The following TBL3 variants were observed in gnomAD, a reference collection of about 807,000 sequenced individuals.
TBL3 encodes the protein transducin beta-like protein 3.
Under a neutral mutation model 102.7 loss-of-function variants are expected in TBL3, and 71 were observed. That is an observed-to-expected ratio of 0.69 (90% CI 0.57 to 0.84). The LOEUF (loss-of-function observed/expected upper bound fraction) is 0.84. Among genes scored for constraint, TBL3 ranks in the 40% least tolerant of loss-of-function variants. TBL3 has a pLI of 0.00. For missense variants in TBL3, 1,188 were observed against 1,098.5 expected, an observed-to-expected ratio of 1.08 and a Z score of -1.15; for synonymous variants, 578 against 477.7, an observed-to-expected ratio of 1.21 and a Z score of -2.74.
rs995428337 is a variant in TBL3, at chr16:1,977,784, G to C, written c.1942G>C (p.Glu648Gln). The change falls in exon 18 of 22, where the codon GAG becomes CAG. Residue 648 changes from glutamate to glutamine, a missense_variant. By Grantham distance (29) the Glu-to-Gln change is conservative. Transcript: ENST00000568546. Reference sequence around the variant, plus strand: ...GCAGGCAGAGGAGCAGGCCAGGCAAGAGGAGCAGGTGGTCAGGTAAGGCCA... The same window carrying C: ...GCAGGCAGAGGAGCAGGCCAGGCAACAGGAGCAGGTGGTCAGGTAAGGCCA... ...AEQAEEQARQEEQVVRQQELD... is the reference protein window; with the variant it reads ...AEQAEEQARQQEQVVRQQELD... 4.5e-6 allele frequency: 7 copies of C among 1,556,292 alleles called. No individual in the cohort carries two copies. The highest frequency in any genetic ancestry group is 3.9e-5 in the Admixed American group (2 of 51,382).
Position 1,978,753 on chromosome 16 carries a change from G to A in TBL3, c.*68G>A. 1 of 1,556,750 alleles carries A rather than the reference G, an allele frequency of 6.4e-7. No homozygotes were observed. ...CCCATAAAGGCCGCTCTCCTGGCCG[G>A]CTCTGTCTCTCTGGACTGCAGTCCA... On this transcript the variant is annotated 3_prime_UTR_variant, in exon 22 of 22. Coordinates refer to ENST00000568546, the MANE Select transcript of TBL3 (RefSeq NM_006453.3).
intron 1 of TBL3, among the ~76,000 whole-genome samples, chr16:1,973,629 G>A (rs2083376279): frequency 6.6e-6 from 1 of 152,112 alleles, no homozygotes; most frequent in African/African-American, 2.4e-5. Flanking sequence ...GGGATGGAGA[G>A]AGGAGTCAGG....
chr16:1,980,217 G>A lies in TBL3; in HGVS notation c.*1532G>A, dbSNP rs1206583988. The A allele has an allele frequency of 6.4e-7, 1 of 1,562,890 alleles. No homozygotes were observed. The highest frequency in any genetic ancestry group is 8.7e-7 in the Non-Finnish European group (1 of 1,155,786). On this transcript the variant is annotated 3_prime_UTR_variant, in exon 22 of 22. Transcript: ENST00000568546. Reference sequence around the variant, plus strand: ...CAGCCCGTACGAGTGAGAGGTAGGCGGATGGGGAGGGTGAAACTGGGGGCG... The same window carrying A: ...CAGCCCGTACGAGTGAGAGGTAGGCAGATGGGGAGGGTGAAACTGGGGGCG...
chr16:1,977,873 C>T, intron 18 of TBL3, 73 bp downstream of exon 18: 2 of 1,593,140 alleles, frequency 1.3e-6, no homozygotes, highest in Non-Finnish European at 1.7e-6. Context: ...AGGCTGAGTG[C>T]CAGGCTCCCT....
rs1567328133 is a variant in TBL3 at position 1,979,102 on chromosome 16, G to A, written c.*417G>A. On this transcript the variant is annotated 3_prime_UTR_variant, in exon 22 of 22. Transcript: ENST00000568546. ...ACAGAGTCCACGCACCCTCGAGGGC[G>A]GCCCTGGCGCCGTGGGCGCCGCTCC... 7 of 1,499,794 alleles carry A rather than the reference G, an allele frequency of 4.7e-6. No individual in the cohort carries two copies. In the South Asian group the frequency reaches 8.9e-5, roughly 19 times the overall value. The allele number at this position is 1,499,794 out of a possible 1,614,324, so 92.9% of individuals were successfully genotyped here.
Position 1,978,536 on chromosome 16 carries a change from C to T in TBL3, c.2294-16C>T, listed in dbSNP as rs2083425546. On this transcript the variant is annotated splice_polypyrimidine_tract_variant and intron_variant, in intron 21 of 21. Transcript: ENST00000568546. ...CGTGTGGACCACCCCCCTGACCTCC[C>T]TCTGTCCAACCCCAGAGCGGCACTT... is the stretch of plus-strand genomic sequence containing the variant. 6.3e-7 allele frequency: 1 copy of T among 1,599,126 alleles called. No homozygotes were observed. The highest frequency in any genetic ancestry group is 1.1e-5 in the South Asian group (1 of 90,184).
At chr16:1,974,324 T>C in intron 3 of TBL3, 32 bp downstream of exon 3, 3 of 1,584,402 alleles carry the variant, frequency 1.9e-6, no homozygotes, top group Non-Finnish European at 2.6e-6. Context: ...GAGGGGCAAG[T>C]GGAGAGGGCA....
chr16:1,978,422 G>C lies in TBL3; in HGVS notation c.2244G>C (p.Leu748=). ...LLRREAPEEL[L]AYEGVRAALE... ...GGCGAGAGGCCCCCGAGGAGCTGCT[G>C]GCCTACGAAGGCGTGCGGGCAGCGC... Residue 748 remains leucine, a synonymous_variant, in exon 21 of 22, where the codon CTG becomes CTC. Transcript: ENST00000568546. The C allele has an allele frequency of 6.2e-7, 1 of 1,610,892 alleles. No homozygotes were observed.
At position 1,980,344 on chromosome 16, in the gene TBL3, G is replaced by A. The variant is rs1388170822; in HGVS notation, c.*1659G>A. ...CAGCTCCAAACGCCGCTGCATGCTG[G>A]GAGTTTGGGGCGAGTCAGGCACCTG... On this transcript the variant is annotated 3_prime_UTR_variant, in exon 22 of 22. Coordinates refer to ENST00000568546, the MANE Select transcript of TBL3 (RefSeq NM_006453.3). 6.3e-7 allele frequency: 1 copy of A among 1,592,330 alleles called. No individual in the cohort carries two copies. The highest frequency in any genetic ancestry group is 8.5e-7 in the Non-Finnish European group (1 of 1,174,614).
chr16:1,975,740 G>C, intron 10 of TBL3, 30 bp downstream of exon 10: 1 of 1,612,924 alleles, frequency 6.2e-7, no homozygotes, highest in Non-Finnish European at 8.5e-7. Context: ...CAGTCTGGAG[G>C]CTGCGGGCAC....
Position 1,981,102 on chromosome 16 carries a change from G to A in TBL3, c.*2417G>A, listed in dbSNP as rs751660064. ...ATCCCTTGGGGCCACTAAGGACCCAGCCAGGTCTTACTTGGAGCCTCTTGA... is the reference window on the plus strand; with the variant it reads ...ATCCCTTGGGGCCACTAAGGACCCAACCAGGTCTTACTTGGAGCCTCTTGA... On this transcript the variant is annotated 3_prime_UTR_variant, in exon 22 of 22. Coordinates refer to ENST00000568546, the MANE Select transcript of TBL3 (RefSeq NM_006453.3). 4 of 1,612,706 alleles carry A rather than the reference G, an allele frequency of 2.5e-6. No homozygotes were observed. The highest frequency in any genetic ancestry group is 3.4e-6 in the Non-Finnish European group (4 of 1,179,276).
At chr16:1,973,940 A>G (rs2083378305) in intron 1 of TBL3, 116 bp from the exon 2 acceptor site, 1 of 1,157,836 alleles carries the variant, frequency 8.6e-7, no homozygotes, top group East Asian at 2.8e-5. Flanking sequence ...GCTGTTGCCC[A>G]GAAACTCAAG....
In TBL3 at chr16:1,979,134, C is replaced by T. The variant is rs955906892; in HGVS notation, c.*449C>T. 3 of 1,474,706 alleles carry T rather than the reference C, an allele frequency of 2.0e-6. No homozygotes were observed. The highest frequency in any genetic ancestry group is 1.3e-5 in the South Asian group (1 of 76,852). The allele number at this position is 1,474,706 out of a possible 1,614,324, so 91.4% of individuals were successfully genotyped here. A position where few individuals can be genotyped will look rare whatever the true frequency, so the allele number is the denominator to read the frequency against. ...GCGCCGTGGGCGCCGCTCCAGGGCC[C>T]TGCGTGTGACGGTGCAGCAGCGGCT... On this transcript the variant is annotated 3_prime_UTR_variant, in exon 22 of 22. Coordinates refer to ENST00000568546, the MANE Select transcript of TBL3 (RefSeq NM_006453.3).
In TBL3 at chr16:1,981,231, C is replaced by G. The variant is rs1477863508; in HGVS notation, c.*2546C>G. The G allele has an allele frequency of 6.2e-7, 1 of 1,610,524 alleles. No homozygotes were observed. Among genetic ancestry groups the G allele is most frequent in the Admixed American group, 1.7e-5 (1 of 59,852 alleles). Reference sequence around the variant, plus strand: ...CTGAAATGGGCGAGGACCCTTCTGCCTCCCCGTGCTTGAGAGGGCTCTGGG... The same window carrying G: ...CTGAAATGGGCGAGGACCCTTCTGCGTCCCCGTGCTTGAGAGGGCTCTGGG... On this transcript the variant is annotated 3_prime_UTR_variant, in exon 22 of 22. Coordinates refer to ENST00000568546, the MANE Select transcript of TBL3 (RefSeq NM_006453.3).
In TBL3 at chr16:1,975,614, C is replaced by CT. The variant is rs745725594; in HGVS notation, c.892dup (p.Cys298LeufsTer38). 1.2e-6 allele frequency: 2 copies of CT among 1,602,698 alleles called. No individual in the cohort carries two copies. The highest frequency in any genetic ancestry group is 1.7e-6 in the Non-Finnish European group (2 of 1,179,758). On this transcript the variant is annotated frameshift_variant, in exon 10 of 22. Transcript: ENST00000568546. LOFTEE classifies it high-confidence loss of function. ...CGGGCCCTGGGCAGGAGCTGACCCA[C>CT]TGCACCCTGGCACACACCGCCGGCG... is the stretch of plus-strand genomic sequence containing the variant.
Position 1,974,377 on chromosome 16 carries a change from A to G in TBL3, c.191A>G (p.Glu64Gly). ...SGAVLRSLEQEDQEDITAFDL... is the reference protein window; with the variant it reads ...SGAVLRSLEQGDQEDITAFDL... Reference sequence around the variant, plus strand: ...TCGGCACACCACTCTTTCTCCTAGGAGGACCAGGAGGACATCACTGCCTTT... The same window carrying G: ...TCGGCACACCACTCTTTCTCCTAGGGGGACCAGGAGGACATCACTGCCTTT... Residue 64 changes from glutamate (E) to glycine (G), a missense_variant and splice_region_variant, in exon 4 of 22, where the codon GAG becomes GGG. Coordinates refer to ENST00000568546, the MANE Select transcript of TBL3 (RefSeq NM_006453.3). The G allele has an allele frequency of 1.2e-6, 2 of 1,609,684 alleles. No individual in the cohort carries two copies. The highest frequency in any genetic ancestry group is 1.7e-6 in the Non-Finnish European group (2 of 1,177,616).
chr16:1,979,863 C>T lies in TBL3; in HGVS notation c.*1178C>T. On this transcript the variant is annotated 3_prime_UTR_variant, in exon 22 of 22. Coordinates refer to ENST00000568546, the MANE Select transcript of TBL3 (RefSeq NM_006453.3). Reference sequence around the variant, plus strand: ...CCTCCTCCAGGTAGGGCGCTGGAAACCAGGCGGTCTGCCGGTCTTCGTTCT... The same window carrying T: ...CCTCCTCCAGGTAGGGCGCTGGAAATCAGGCGGTCTGCCGGTCTTCGTTCT... 1 of 1,581,780 alleles carries T rather than the reference C, an allele frequency of 6.3e-7. No homozygotes were observed. The highest frequency in any genetic ancestry group is 1.1e-5 in the South Asian group (1 of 87,402).
At chr16:1,975,138 G>C in intron 7 of TBL3, 40 bp downstream of exon 7, 2 of 1,613,396 alleles carry the variant, frequency 1.2e-6, no homozygotes, top group South Asian at 1.1e-5. Context: ...GGCTTGGAAA[G>C]TGGGGGCTGA....
intron 1 of TBL3, 25 bp from the exon 2 acceptor site, chr16:1,974,031 C>T (rs759233548): frequency 3.3e-6 from 5 of 1,530,214 alleles, no homozygotes; most frequent in Admixed American, 3.9e-5. Context: ...GGGTGGTGCT[C>T]ATTCGCCTCC....
Sources: gnomAD v4.1 joint callset for allele counts (sites outside exome capture counted in the v4.1 genomes callset) on GRCh38, gnomAD v4.1.1 for gene constraint, MANE v1.5 for transcripts, NCBI Gene and HGNC (gene_info 2026-07-23, HGNC 2026-07-21) for gene names.